PMS1: variants seen among roughly 807,000 people sequenced by gnomAD.
PMS1 encodes the protein PMS1 protein homolog 1.
A neutral mutation model predicts 93.1 loss-of-function variants in PMS1; 79 were observed. The ratio of observed to expected loss-of-function variants is 0.85; its 90% CI spans 0.71 to 1.02. The LOEUF is 1.02. PMS1 is among the 50% of genes least tolerant of loss of function. PMS1 has a pLI of 0.00. For missense variants in PMS1, 1,064 were observed against 1,085.3 expected (o/e 0.98, Z 0.28); for synonymous variants, 335 against 363.4 (o/e 0.92, Z 0.89).
chr2:189,786,344 A>C (rs564744501), intron 1 of PMS1, among the ~76,000 whole-genome samples: 1 of 152,334 alleles, frequency 6.6e-6, no homozygotes, highest in South Asian at 2.1e-4. Flanking sequence ...ATTCGAGTCA[A>C]AATATCAATT....
intron 6 of PMS1, among the ~76,000 whole-genome samples, chr2:189,850,387 G>A (rs1327167181): frequency 1.3e-5 from 2 of 152,150 alleles, no homozygotes; most frequent in East Asian, 3.9e-4. Flanking sequence ...CATAGTAAAG[G>A]AGTATAGGAT....
chr2:189,787,080 A>G (rs908167186), intron 1 of PMS1, among the ~76,000 whole-genome samples: 4 of 152,076 alleles, frequency 2.6e-5, no homozygotes, highest in African/African-American at 9.7e-5. Flanking sequence ...AAAGAGAAAG[A>G]TTCTCTGATC....
intron 9 of PMS1, among the ~76,000 whole-genome samples, chr2:189,858,088 C>G (rs1266459084): frequency 1.3e-5 from 2 of 152,070 alleles, no homozygotes; most frequent in Non-Finnish European, 2.9e-5. Context: ...GGAGTAGGAT[C>G]AGGATTGTTC....
At chr2:189,815,098 A>G (rs1206195339) in intron 4 of PMS1, among the ~76,000 whole-genome samples, 1 of 146,846 alleles carries the variant, frequency 6.8e-6, no homozygotes, top group Non-Finnish European at 1.5e-5. Context: ...CTCCATCTCA[A>G]AAAAAAAAAA....
At chr2:189,797,361 T>C (rs1354232603) in intron 3 of PMS1, among the ~76,000 whole-genome samples, 1 of 152,228 alleles carries the variant, frequency 6.6e-6, no homozygotes, top group African/African-American at 2.4e-5. Context: ...GTACCAATTA[T>C]ACTACGCTGC....
chr2:189,827,872 G>T (rs1044483278), intron 5 of PMS1, among the ~76,000 whole-genome samples: 1 of 151,894 alleles, frequency 6.6e-6, no homozygotes, highest in African/African-American at 2.4e-5. Context: ...AAACTGGAGG[G>T]GTTGGTCCAT....
In PMS1 at chr2:189,855,080, T is replaced by G; in HGVS notation, c.1808T>G (p.Leu603Arg). The change falls in exon 9 of 13, where the codon CTA (leucine) becomes CGA (arginine). Residue 603 changes from leucine (L) to arginine (R), a missense_variant. Transcript: ENST00000441310. ...NPKTSLEDAT[L>R]QIEELWKTLS... ...AAGACTAGTTTAGAGGATGCAACACTACAAATTGAAGAACTGTGGAAGACA... is the reference window on the plus strand; with the variant it reads ...AAGACTAGTTTAGAGGATGCAACACGACAAATTGAAGAACTGTGGAAGACA... The G allele has an allele frequency of 6.2e-7, 1 of 1,613,350 alleles. No homozygotes were observed. The highest frequency in any genetic ancestry group is 1.1e-5 in the South Asian group (1 of 91,058).
intron 2 of PMS1, among the ~76,000 whole-genome samples, chr2:189,793,619 C>G (rs568117175): frequency 9.5e-4 from 145 of 152,280 alleles, no homozygotes; most frequent in Non-Finnish European, 1.8e-3. Flanking sequence ...ACTTAAGAAT[C>G]TTTGGCAGGC....
chr2:189,825,524 C>CACT (rs1266942480), intron 5 of PMS1, among the ~76,000 whole-genome samples: 1 of 152,028 alleles, frequency 6.6e-6, no homozygotes, highest in Non-Finnish European at 1.5e-5. Context: ...TTTCCTAGAC[C>CACT]ACTAGTTCAG....
intron 6 of PMS1, among the ~76,000 whole-genome samples, chr2:189,850,076 A>G (rs368110140): frequency 2.9e-4 from 44 of 152,214 alleles, no homozygotes; most frequent in African/African-American, 1.0e-3. Flanking sequence ...AATGTTTTGC[A>G]GTCATAACAT....
In PMS1 at chr2:189,793,855, GC is replaced by G. The variant is rs577506580; in HGVS notation, c.133-1913del. Reference sequence around the variant, plus strand: ...TTCATTATGGTTTTATGCTATAATAGCTATCCTGACTAGATATGTTTTCATA... The same window carrying G: ...TTCATTATGGTTTTATGCTATAATAGTATCCTGACTAGATATGTTTTCATA... On this transcript the variant is annotated intron_variant, in intron 2 of 12. Coordinates refer to ENST00000441310, the MANE Select transcript of PMS1 (RefSeq NM_000534.5). Among the ~76,000 whole-genome samples, 5 of 152,236 alleles carry G rather than the reference GC, an allele frequency of 3.3e-5. No homozygotes were observed. In the South Asian group the frequency reaches 1.0e-3, roughly 32 times the overall value.
chr2:189,849,100 C>CT (rs112309414), intron 6 of PMS1, among the ~76,000 whole-genome samples: 36 of 147,364 alleles, frequency 2.4e-4, no homozygotes, highest in East Asian at 7.9e-4. Context: ...GTGAGGGTAA[C>CT]TTTTTTTTTT....
chr2:189,870,083 A>AT (rs1372156002), intron 11 of PMS1, among the ~76,000 whole-genome samples: 3 of 152,192 alleles, frequency 2.0e-5, no homozygotes, highest in African/African-American at 7.2e-5. Flanking sequence ...CTTTACTTAG[A>AT]TTATCATCAG....
chr2:189,835,550 A>G (rs1044604957), intron 5 of PMS1, among the ~76,000 whole-genome samples: 29 of 152,184 alleles, frequency 1.9e-4, no homozygotes, highest in African/African-American at 7.0e-4. Flanking sequence ...GAGTCAGTGC[A>G]AGTACATACG....
At chr2:189,832,833 A>G (rs2053071429) in intron 5 of PMS1, among the ~76,000 whole-genome samples, 1 of 152,194 alleles carries the variant, frequency 6.6e-6, no homozygotes, top group Non-Finnish European at 1.5e-5. Context: ...TAGGTAGTGA[A>G]CTTTAGAAGG....
intron 6 of PMS1, among the ~76,000 whole-genome samples, chr2:189,846,716 C>T (rs2054283734): frequency 6.6e-6 from 1 of 152,042 alleles, no homozygotes; most frequent in African/African-American, 2.4e-5. Flanking sequence ...AATTTTCATG[C>T]CTGAGAATGA....
chr2:189,795,683 C>T, intron 2 of PMS1, 86 bp from the exon 3 acceptor site: 2 of 1,094,540 alleles, frequency 1.8e-6, no homozygotes, highest in South Asian at 1.3e-5. Context: ...AAATAAATGT[C>T]AAAATTCTTT....
chr2:189,861,731 CAG>C (rs1180056270), intron 9 of PMS1, among the ~76,000 whole-genome samples: 1 of 142,828 alleles, frequency 7.0e-6, no homozygotes, highest in Non-Finnish European at 1.5e-5. Context: ...GCCTGGGAGA[CAG>C]AGAGACTCTG....
intron 12 of PMS1, among the ~76,000 whole-genome samples, chr2:189,873,938 G>C (rs760659982): frequency 6.6e-6 from 1 of 152,206 alleles, no homozygotes; most frequent in East Asian, 1.9e-4. Flanking sequence ...CCACAAAACC[G>C]GTCCCTGGTG....
Sources: gnomAD v4.1 joint callset for allele counts (sites outside exome capture counted in the v4.1 genomes callset) on GRCh38, gnomAD v4.1.1 for gene constraint, MANE v1.5 for transcripts, NCBI Gene and HGNC (gene_info 2026-07-23, HGNC 2026-07-21) for gene names.